Variants in EYA1 observed in about 807,000 individuals in gnomAD.
The protein encoded by EYA1 is EYA transcriptional coactivator and phosphatase 1.
In EYA1, 16 loss-of-function variants were observed where a neutral mutation model predicts 82.0. The observed-to-expected ratio is 0.20, with a 90% CI of 0.13 to 0.30. The LOEUF (loss-of-function observed/expected upper bound fraction) is 0.30. Ranked by LOEUF, EYA1 falls within the 10% of genes least tolerant of loss-of-function variation. The probability of loss-of-function intolerance (pLI) is 1.00; values close to 1 mark genes in which losing one functional copy is unlikely to be tolerated. For synonymous variants in EYA1, 261 were observed against 264.4 expected (o/e 0.99, Z 0.12); for missense variants, 633 against 730.7 (o/e 0.87, Z 1.54).
At chr8:71,421,944 G>A (rs1189837136) in intron 2 of EYA1, among the ~76,000 whole-genome samples, 2 of 152,182 alleles carry the variant, frequency 1.3e-5, no homozygotes, top group African/African-American at 2.4e-5. Context: ...AAAAGTATCG[G>A]CGTCAGTATT....
intron 2 of EYA1, among the ~76,000 whole-genome samples, chr8:71,534,850 C>T (rs554601365): frequency 7.0e-6 from 1 of 142,616 alleles, no homozygotes; most frequent in East Asian, 2.1e-4. Flanking sequence ...ACGTTCTGCA[C>T]ATGTATCCCA....
intron 16 of EYA1, among the ~76,000 whole-genome samples, chr8:71,213,478 CTT>C (rs1488853992): frequency 6.6e-6 from 1 of 152,166 alleles, no homozygotes; most frequent in Admixed American, 6.5e-5. Flanking sequence ...TAACATGTGA[CTT>C]AAACTGTTTG....
At chr8:71,542,968 C>T (rs938087382) in intron 1 of EYA1, among the ~76,000 whole-genome samples, 2 of 151,996 alleles carry the variant, frequency 1.3e-5, no homozygotes, top group Non-Finnish European at 2.9e-5. Flanking sequence ...TTGTCAGATT[C>T]ATAGTTTGCA....
chr8:71,317,803 A>C, intron 6 of EYA1, 114 bp from the exon 7 acceptor site: 102 of 1,005,150 alleles, frequency 1.0e-4, no homozygotes, highest in East Asian at 2.9e-4. Context: ...ATCTTATCTC[A>C]AAAATAAAGG....
intron 2 of EYA1, among the ~76,000 whole-genome samples, chr8:71,467,965 G>T (rs1808901174): frequency 6.6e-6 from 1 of 152,118 alleles, no homozygotes; most frequent in South Asian, 2.1e-4. Flanking sequence ...CAGGAAAGGT[G>T]TCTGTAATCC....
chr8:71,395,532 TG>T (rs775743352), intron 2 of EYA1, among the ~76,000 whole-genome samples: 29 of 152,344 alleles, frequency 1.9e-4, no homozygotes, highest in Non-Finnish European at 3.1e-4. Flanking sequence ...AGGCCTTTTC[TG>T]CATCTATTGA....
In EYA1 at chr8:71,390,813, C is replaced by A. The variant is rs7002554; in HGVS notation, c.34-34302G>T. 3.3e-5 allele frequency among the ~76,000 whole-genome samples: 5 copies of A among 151,954 alleles called. No individual in the cohort carries two copies. The East Asian group carries it at 9.7e-4, about 29-fold the overall frequency. On this transcript the variant is annotated intron_variant, in intron 2 of 18. Coordinates refer to the EYA1 transcript ENST00000643681. ...CTGTCCCATAGGTCCCTGAGACTCT[C>A]TTATTCAATCTCTTTTCTTACTATT... is the stretch of plus-strand genomic sequence containing the variant.
At chr8:71,399,774 C>T (rs1331076381) in intron 2 of EYA1, among the ~76,000 whole-genome samples, 1 of 152,134 alleles carries the variant, frequency 6.6e-6, no homozygotes, top group Non-Finnish European at 1.5e-5. Context: ...CATTGAAATG[C>T]TTCACAGGAT....
At chr8:71,329,713 T>C (rs1226388612) in intron 4 of EYA1, among the ~76,000 whole-genome samples, 1 of 152,214 alleles carries the variant, frequency 6.6e-6, no homozygotes, top group Non-Finnish European at 1.5e-5. Context: ...GCCTAATATG[T>C]GGCAGGTACT....
intron 2 of EYA1, among the ~76,000 whole-genome samples, chr8:71,408,779 C>A (rs1166389073): frequency 1.4e-5 from 2 of 140,514 alleles, no homozygotes; most frequent in East Asian, 2.0e-4. Context: ...TAATGGGGGA[C>A]TTTAACACCC....
rs1340234646 is a variant in EYA1, at chr8:71,479,248, T to C, written c.33+56496A>G. On this transcript the variant is annotated intron_variant, in intron 2 of 18. Transcript: ENST00000643681. ...AGCTGTTCCATGACATTGAGAAATTTTCCCTGGATTTGCTCATGGCTCACT... is the reference window on the plus strand; with the variant it reads ...AGCTGTTCCATGACATTGAGAAATTCTCCCTGGATTTGCTCATGGCTCACT... Among the ~76,000 whole-genome samples, 3 of 152,238 alleles carry C rather than the reference T, an allele frequency of 2.0e-5. No homozygotes were observed. In the East Asian group the frequency reaches 5.8e-4, roughly 29 times the overall value.
At chr8:71,274,871 A>AGAGAGAGAGTGAGC (rs1162881166) in intron 9 of EYA1, among the ~76,000 whole-genome samples, 2 of 151,516 alleles carry the variant, frequency 1.3e-5, no homozygotes, top group Non-Finnish European at 1.5e-5. Flanking sequence ...AGTGGGAGAG[A>AGAGAGAGAGTGAGC]GAGAGAGAGT....
At chr8:71,268,204 C>T (rs536843101) in intron 11 of EYA1, among the ~76,000 whole-genome samples, 16 of 152,198 alleles carry the variant, frequency 1.1e-4, no homozygotes, top group African/African-American at 3.9e-4. Context: ...TGGCCCTTAG[C>T]GAGAGCTTAT....
chr8:71,325,399 A>G (rs1230915937), intron 4 of EYA1, among the ~76,000 whole-genome samples: 1 of 152,198 alleles, frequency 6.6e-6, no homozygotes, highest in African/African-American at 2.4e-5. Flanking sequence ...TGTAGTGTAT[A>G]GATGGTTACA....
chr8:71,487,649 A>G (rs1563664796), intron 2 of EYA1, among the ~76,000 whole-genome samples: 1 of 152,172 alleles, frequency 6.6e-6, no homozygotes, highest in East Asian at 1.9e-4. Context: ...AAACAATTCA[A>G]TTTTTTAATG....
At chr8:71,350,949 A>T (rs570828688) in intron 3 of EYA1, among the ~76,000 whole-genome samples, 1 of 152,350 alleles carries the variant, frequency 6.6e-6, no homozygotes, top group East Asian at 1.9e-4. Flanking sequence ...AACCTTTCCC[A>T]ACTACTTCTC....
At chr8:71,411,803 T>C (rs1302448546) in intron 2 of EYA1, among the ~76,000 whole-genome samples, 2 of 145,728 alleles carry the variant, frequency 1.4e-5, no homozygotes, top group Non-Finnish European at 3.0e-5. Context: ...AGTTCAACCA[T>C]TGTGGAAGTC....
At chr8:71,238,429 C>A (rs1408462364) in intron 12 of EYA1, among the ~76,000 whole-genome samples, 8 of 152,064 alleles carry the variant, frequency 5.3e-5, no homozygotes, top group Non-Finnish European at 1.0e-4. Flanking sequence ...GAACTTAGAA[C>A]AATTTTTTCA....
At chr8:71,293,473 G>A (rs1330537511) in intron 9 of EYA1, among the ~76,000 whole-genome samples, 1 of 151,878 alleles carries the variant, frequency 6.6e-6, no homozygotes, top group African/African-American at 2.4e-5. Context: ...TGAGATAAAG[G>A]CATTACAAGA....
Sources: gnomAD v4.1 joint callset for allele counts (sites outside exome capture counted in the v4.1 genomes callset) on GRCh38, gnomAD v4.1.1 for gene constraint, MANE v1.5 for transcripts, NCBI Gene and HGNC (gene_info 2026-07-23, HGNC 2026-07-21) for gene names.